Variants in PTPRM observed in about 807,000 individuals in gnomAD.
PTPRM encodes protein tyrosine phosphatase receptor type M.
In PTPRM, 47 loss-of-function variants were observed where a neutral mutation model predicts 186.7. The ratio of observed to expected loss-of-function variants is 0.25; its 90% CI spans 0.20 to 0.32. PTPRM has a LOEUF of 0.32. Among genes scored for constraint, PTPRM ranks in the 10% least tolerant of loss-of-function variants. The pLI, the probability that PTPRM is intolerant of heterozygous loss-of-function variation, is 1.00. For synonymous variants in PTPRM, 668 were observed against 674.9 expected (o/e 0.99, Z 0.16); for missense variants, 1,494 against 1,865.0 (o/e 0.80, Z 3.66).
intron 7 of PTPRM, among the ~76,000 whole-genome samples, chr18:8,063,022 C>T (rs1267684773): frequency 1.3e-5 from 2 of 150,828 alleles, no homozygotes; most frequent in Non-Finnish European, 3.0e-5. Context: ...TTTACCTAAT[C>T]AAGCCTGGGC....
chr18:8,361,496 A>C (rs77192852), intron 23 of PTPRM, among the ~76,000 whole-genome samples: 3,859 of 152,266 alleles, frequency 0.025, 148 homozygotes, highest in African/African-American at 0.087. Context: ...TTGTTATTCT[A>C]TTCTCCAGAT....
At chr18:8,288,891 G>A (rs781146031) in intron 19 of PTPRM, among the ~76,000 whole-genome samples, 5 of 152,336 alleles carry the variant, frequency 3.3e-5, no homozygotes, top group African/African-American at 9.6e-5. Flanking sequence ...TCACCAGGAA[G>A]CATCGCTGTG....
At chr18:7,806,203 A>T (rs1451935485) in intron 2 of PTPRM, among the ~76,000 whole-genome samples, 1 of 152,180 alleles carries the variant, frequency 6.6e-6, no homozygotes, top group East Asian at 1.9e-4. Context: ...TGGAAGAACC[A>T]AGCTCAGGAA....
chr18:7,701,414 C>T (rs375071832), intron 1 of PTPRM, among the ~76,000 whole-genome samples: 1 of 150,580 alleles, frequency 6.6e-6, no homozygotes, highest in Non-Finnish European at 1.5e-5. Flanking sequence ...TCTTGGCCAA[C>T]GTGGTGAAAC....
intron 7 of PTPRM, among the ~76,000 whole-genome samples, chr18:8,035,143 A>G (rs149022644): frequency 1.7e-4 from 26 of 152,268 alleles, no homozygotes; most frequent in Admixed American, 9.8e-4. Flanking sequence ...CTTCCAAACT[A>G]TCAAATGCTG....
chr18:7,960,328 G>A (rs2053573333), intron 7 of PTPRM, among the ~76,000 whole-genome samples: 1 of 151,772 alleles, frequency 6.6e-6, no homozygotes, highest in South Asian at 2.1e-4. Context: ...TTATCCATAA[G>A]ATGCATATTG....
At chr18:7,932,027 C>G (rs1173596313) in intron 5 of PTPRM, among the ~76,000 whole-genome samples, 1 of 152,220 alleles carries the variant, frequency 6.6e-6, no homozygotes, top group Non-Finnish European at 1.5e-5. Context: ...AACTTCTGCT[C>G]TTTAATTCAT....
intron 19 of PTPRM, among the ~76,000 whole-genome samples, chr18:8,255,351 C>T (rs1396331922): frequency 6.6e-6 from 1 of 152,148 alleles, no homozygotes; most frequent in Non-Finnish European, 1.5e-5. Context: ...AAAATACCTA[C>T]TTCCTATAAC....
intron 1 of PTPRM, among the ~76,000 whole-genome samples, chr18:7,626,329 A>G (rs1169482522): frequency 6.6e-6 from 1 of 152,192 alleles, no homozygotes; most frequent in Non-Finnish European, 1.5e-5. Context: ...AAAGGGTTTA[A>G]TGATCTTTGG....
chr18:7,817,524 G>C (rs1285196648), intron 2 of PTPRM, among the ~76,000 whole-genome samples: 1 of 152,182 alleles, frequency 6.6e-6, no homozygotes, highest in South Asian at 2.1e-4. Flanking sequence ...CTTGCACTTG[G>C]ATAAAATATA....
chr18:8,291,894 G>C (rs371382365), intron 19 of PTPRM, among the ~76,000 whole-genome samples: 1 of 151,544 alleles, frequency 6.6e-6, no homozygotes, highest in Non-Finnish European at 1.5e-5. Flanking sequence ...TCACAGGGTC[G>C]TTAAGAGAAT....
At position 7,646,818 on chromosome 18, in the gene PTPRM, C is replaced by A. The variant is rs78932315; in HGVS notation, c.73+78927C>A. ...GTGACAGTTATTTGAGTAACCTATG[C>A]AAGATTGAGAGCCCTTCTTGAGTGA... On this transcript the variant is annotated intron_variant, in intron 1 of 32. Coordinates refer to ENST00000580170, the MANE Select transcript of PTPRM (RefSeq NM_001105244.2). 6.0e-3 allele frequency among the ~76,000 whole-genome samples: 909 copies of A among 152,130 alleles called. 3 individuals are homozygous for A. The highest frequency in any genetic ancestry group is 9.0e-3 in the Non-Finnish European group (611 of 67,998).
At chr18:7,839,040 C>T (rs138027039) in intron 2 of PTPRM, among the ~76,000 whole-genome samples, 1 of 152,126 alleles carries the variant, frequency 6.6e-6, no homozygotes, top group Non-Finnish European at 1.5e-5. Flanking sequence ...TGAATGCTGC[C>T]TTGACTCTTG....
At chr18:8,243,190 T>G (rs1229628929) in intron 14 of PTPRM, among the ~76,000 whole-genome samples, 1 of 152,218 alleles carries the variant, frequency 6.6e-6, no homozygotes, top group Non-Finnish European at 1.5e-5. Flanking sequence ...ATTTTAGATG[T>G]TGAGTTTTTG....
chr18:8,057,430 T>C (rs1372300276), intron 7 of PTPRM, among the ~76,000 whole-genome samples: 1 of 65,654 alleles, frequency 1.5e-5, no homozygotes, highest in African/African-American at 3.6e-5. Flanking sequence ...TACTTCTTTT[T>C]TTTTTTTTTT....
At chr18:7,823,979 A>G (rs974972643) in intron 2 of PTPRM, among the ~76,000 whole-genome samples, 3 of 152,148 alleles carry the variant, frequency 2.0e-5, no homozygotes, top group African/African-American at 7.2e-5. Context: ...TGCTCACTGG[A>G]TGGATCTGTC....
chr18:8,196,760 T>C (rs368555147), intron 14 of PTPRM, among the ~76,000 whole-genome samples: 4 of 152,370 alleles, frequency 2.6e-5, no homozygotes, highest in African/African-American at 9.6e-5. Context: ...TGTCACGATA[T>C]GTTCCTTACT....
At chr18:8,197,148 G>T (rs1002837236) in intron 14 of PTPRM, among the ~76,000 whole-genome samples, 1 of 152,156 alleles carries the variant, frequency 6.6e-6, no homozygotes, top group African/African-American at 2.4e-5. Flanking sequence ...GAACAGCAGG[G>T]CATTAAATAA....
At chr18:8,167,293 G>T (rs1234488373) in intron 14 of PTPRM, among the ~76,000 whole-genome samples, 1 of 152,174 alleles carries the variant, frequency 6.6e-6, no homozygotes, top group South Asian at 2.1e-4. Context: ...CTCCTATCTG[G>T]TACCACATGG....
Sources: allele counts gnomAD v4.1 joint callset (sites outside exome capture counted in the v4.1 genomes callset), GRCh38; gene constraint gnomAD v4.1.1; transcripts MANE v1.5; gene names NCBI Gene and HGNC (gene_info 2026-07-23, HGNC 2026-07-21).